The following ZPBP variants were observed in gnomAD, a reference collection of about 807,000 sequenced individuals.
The protein encoded by ZPBP is zona pellucida binding protein, also known as zona pellucida-binding protein 1.
In ZPBP, 26 loss-of-function variants were observed where a neutral mutation model predicts 44.8. The ratio of observed to expected loss-of-function variants is 0.58; its 90% CI spans 0.43 to 0.81. The LOEUF (loss-of-function observed/expected upper bound fraction) is 0.81, where lower values mean the gene tolerates loss of function less well. Ranked by LOEUF, ZPBP falls within the 30% of genes least tolerant of loss-of-function variation. The pLI, the probability that ZPBP is intolerant of heterozygous loss-of-function variation, is 0.00. For synonymous variants in ZPBP, 174 were observed against 153.2 expected, an observed-to-expected ratio of 1.14 and a Z score of -1.00; for missense variants, 409 against 434.0, an observed-to-expected ratio of 0.94 and a Z score of 0.51.
In ZPBP at chr7:49,895,908, A is replaced by G. The variant is rs189073103; in HGVS notation, n.509+5210T>C. 1.5e-3 allele frequency among the ~76,000 whole-genome samples: 229 copies of G among 152,320 alleles called. 2 individuals are homozygous for G. In the South Asian group the frequency reaches 0.016, roughly 10 times the overall value. ...AATTATAATAGTAGAATCCATTTGTATATATGTATAAATTTTATACATTCT... is the reference window on the plus strand; with the variant it reads ...AATTATAATAGTAGAATCCATTTGTGTATATGTATAAATTTTATACATTCT... On this transcript the variant is annotated intron_variant and non_coding_transcript_variant, in intron 2 of 2. Transcript: ENST00000465922.
At position 49,996,962 on chromosome 7, in the gene ZPBP, G is replaced by A. The variant is rs567355948; in HGVS notation, c.784-13443C>T. On this transcript the variant is annotated intron_variant, in intron 6 of 7. Transcript: ENST00000046087. ...ATTAACTCTGAATCCAATTACTTCC[G>A]TTGCATTTAGGCTTCCAGTTGATTG... Among the ~76,000 whole-genome samples the A allele has an allele frequency of 1.6e-4, 24 of 152,234 alleles. 1 individual carries two copies. Among genetic ancestry groups the A allele is most frequent in the South Asian group, 8.3e-4 (4 of 4,826 alleles).
At chr7:50,044,180 T>C (rs1800228275) in intron 4 of ZPBP, among the ~76,000 whole-genome samples, 1 of 152,076 alleles carries the variant, frequency 6.6e-6, no homozygotes, top group Admixed American at 6.5e-5. Context: ...TAGAGGGAAA[T>C]TTATAGCACT....
chr7:49,904,566 G>A (rs1184029150), intron 1 of ZPBP, among the ~76,000 whole-genome samples: 6 of 152,052 alleles, frequency 3.9e-5, no homozygotes. Context: ...AAAAATTTCA[G>A]TAATTAAAAT....
intron 2 of ZPBP, among the ~76,000 whole-genome samples, chr7:49,887,868 C>G (rs965963187): frequency 2.0e-5 from 3 of 152,246 alleles, no homozygotes; most frequent in African/African-American, 7.2e-5. Context: ...TGCACTTAAC[C>G]ACCAGACTAG....
intron 7 of ZPBP, among the ~76,000 whole-genome samples, chr7:49,972,327 T>A (rs1247899735): frequency 6.6e-6 from 1 of 151,928 alleles, no homozygotes; most frequent in African/African-American, 2.4e-5. Context: ...ATTATCTTTT[T>A]TGTATAAATC....
chr7:49,926,749 G>C (rs1040200070), intron 1 of ZPBP, among the ~76,000 whole-genome samples: 3 of 152,192 alleles, frequency 2.0e-5, no homozygotes, highest in African/African-American at 7.2e-5. Context: ...TAAAATGTCT[G>C]TAAGAGAAAA....
downstream of ZPBP, among the ~76,000 whole-genome samples, chr7:49,848,006 T>C (rs756251624): frequency 7.9e-5 from 12 of 152,128 alleles, no homozygotes; most frequent in South Asian, 2.1e-4. Context: ...GAAAATGAGA[T>C]AGGGCTAGCA....
At chr7:49,910,279 T>G (rs1210666115) in intron 1 of ZPBP, among the ~76,000 whole-genome samples, 1 of 152,228 alleles carries the variant, frequency 6.6e-6, no homozygotes, top group African/African-American at 2.4e-5. Context: ...CTTAGAATTA[T>G]TCAAAGGCCA....
chr7:50,029,450 C>A (rs1799492171), intron 5 of ZPBP, among the ~76,000 whole-genome samples: 1 of 151,934 alleles, frequency 6.6e-6, no homozygotes, highest in Non-Finnish European at 1.5e-5. Context: ...GTACAAGAAA[C>A]ACAAGGAAAA....
chr7:50,003,105 T>C (rs1798165305), intron 6 of ZPBP, among the ~76,000 whole-genome samples: 1 of 152,154 alleles, frequency 6.6e-6, no homozygotes. Context: ...GAAAATGGTA[T>C]GGGAAATACA....
chr7:49,950,790 T>C (rs1213498510), intron 7 of ZPBP, among the ~76,000 whole-genome samples: 1 of 151,532 alleles, frequency 6.6e-6, no homozygotes, highest in Non-Finnish European at 1.5e-5. Context: ...GGGTCCAAAA[T>C]ACTCAAAACA....
At position 50,093,207 on chromosome 7, in the gene ZPBP, G is replaced by T; in HGVS notation, c.-13C>A. The T allele has an allele frequency of 6.6e-7, 1 of 1,512,926 alleles. No individual in the cohort carries two copies. Among genetic ancestry groups the T allele is most frequent in the Non-Finnish European group, 8.8e-7 (1 of 1,133,580 alleles). 93.7% of individuals were successfully genotyped at this position (1,512,926 alleles called of 1,614,324 possible). On this transcript the variant is annotated 5_prime_UTR_variant, in exon 1 of 8. Coordinates refer to ENST00000046087, the MANE Select transcript of ZPBP (RefSeq NM_007009.3). ...CGAAGGCCTCCATCCACACGCCGCC[G>T]TCGCCTGCCCACCGTCCGCGCGGAA...
At chr7:49,987,201 A>G (rs1797326622) in intron 6 of ZPBP, among the ~76,000 whole-genome samples, 1 of 152,198 alleles carries the variant, frequency 6.6e-6, no homozygotes, top group Non-Finnish European at 1.5e-5. Flanking sequence ...GGCATGGATA[A>G]AGTCAGGTAA....
chr7:49,986,606 G>T (rs886736083), intron 6 of ZPBP, among the ~76,000 whole-genome samples: 7 of 152,120 alleles, frequency 4.6e-5, no homozygotes, highest in Non-Finnish European at 7.4e-5. Flanking sequence ...TCTTCCCTCA[G>T]TTAACACAGC....
At chr7:49,920,594 G>C (rs921939551) in intron 1 of ZPBP, 1 of 152,120 alleles carries the variant, frequency 6.6e-6, no homozygotes, top group Non-Finnish European at 1.5e-5. Flanking sequence ...GACTCTGCTT[G>C]GCCGAGTTTG....
At chr7:49,898,432 T>A (rs1792513474) in intron 2 of ZPBP, among the ~76,000 whole-genome samples, 1 of 152,162 alleles carries the variant, frequency 6.6e-6, no homozygotes, top group African/African-American at 2.4e-5. Context: ...TGAACATTTC[T>A]TGTAAGGGTG....
chr7:49,867,011 G>A (rs138075406), intron 2 of ZPBP, among the ~76,000 whole-genome samples: 120 of 152,232 alleles, frequency 7.9e-4, no homozygotes, highest in African/African-American at 2.7e-3. Flanking sequence ...AACTACAGCC[G>A]GGATAATTCA....
At chr7:49,886,057 G>C (rs1791892176) in intron 2 of ZPBP, among the ~76,000 whole-genome samples, 1 of 152,226 alleles carries the variant, frequency 6.6e-6, no homozygotes, top group East Asian at 1.9e-4. Context: ...GTGTGTGCAA[G>C]AGCCTGGAGA....
chr7:49,862,303 T>C (rs1030363784), intron 2 of ZPBP, among the ~76,000 whole-genome samples: 3 of 152,168 alleles, frequency 2.0e-5, no homozygotes, highest in Non-Finnish European at 2.9e-5. Context: ...AAACAGCCTT[T>C]TTTTGTGTGT....
Sources: allele counts gnomAD v4.1 joint callset (sites outside exome capture counted in the v4.1 genomes callset), GRCh38; gene constraint gnomAD v4.1.1; transcripts MANE v1.5; gene names NCBI Gene and HGNC (gene_info 2026-07-23, HGNC 2026-07-21).